The following LRRTM4 variants were observed in gnomAD, a reference collection of about 807,000 sequenced individuals.
LRRTM4 encodes leucine rich repeat transmembrane neuronal 4, also known as leucine-rich repeat transmembrane neuronal protein 4.
Under a neutral mutation model 47.6 loss-of-function variants are expected in LRRTM4, and 25 were observed. That is an observed-to-expected ratio of 0.53 (90% CI 0.38 to 0.73). LRRTM4 has a LOEUF of 0.73. Ranked by LOEUF, LRRTM4 falls within the 30% of genes least tolerant of loss-of-function variation. LRRTM4 has a pLI of 0.00. For missense variants in LRRTM4, 638 were observed against 713.4 expected (o/e 0.89, Z 1.20); for synonymous variants, 311 against 269.5 (o/e 1.15, Z -1.51).
At position 77,518,485 on chromosome 2, in the gene LRRTM4, G is replaced by A; in HGVS notation, c.1384C>T (p.Leu462Phe). The stretch of plus-strand genomic sequence containing the variant: ...GCCTTTTTCCGCCGCCTCTTCATAA[G>A]AGAGTGTTGCTGGAGTTGTTTCATG... ...ASMKQLQQHS[L>F]MKRRRKKARE... The change falls in exon 3 of 4, where the codon CTT becomes TTT. Residue 462 changes from leucine (L) to phenylalanine (F), a missense_variant. Leu to Phe is a conservative substitution (Grantham distance 22). Transcript: ENST00000409884. 6 of 1,613,438 alleles carry A rather than the reference G, an allele frequency of 3.7e-6. No individual in the cohort carries two copies. Among genetic ancestry groups the A allele is most frequent in the Non-Finnish European group, 5.1e-6 (6 of 1,179,630 alleles).
At chr2:76,976,348 T>C (rs995910283) in intron 3 of LRRTM4, among the ~76,000 whole-genome samples, 3 of 151,748 alleles carry the variant, frequency 2.0e-5, no homozygotes, top group Admixed American at 1.3e-4. Context: ...CAAAACATAT[T>C]GGGCTTTGAA....
intron 3 of LRRTM4, among the ~76,000 whole-genome samples, chr2:76,802,985 T>C (rs773703432): frequency 6.6e-6 from 1 of 152,122 alleles, no homozygotes; most frequent in Non-Finnish European, 1.5e-5. Flanking sequence ...TAGGACCTGA[T>C]ACTATAAAAC....
intron 3 of LRRTM4, among the ~76,000 whole-genome samples, chr2:76,878,646 A>T (rs953836901): frequency 6.6e-6 from 1 of 152,084 alleles, no homozygotes; most frequent in African/African-American, 2.4e-5. Context: ...AGGCATGTGG[A>T]TCACCTGAGG....
chr2:76,821,919 C>G (rs537141366), intron 3 of LRRTM4, among the ~76,000 whole-genome samples: 5 of 151,644 alleles, frequency 3.3e-5, no homozygotes, highest in African/African-American at 1.2e-4. Flanking sequence ...CATATAGTAC[C>G]TGACGTATGT....
intron 3 of LRRTM4, among the ~76,000 whole-genome samples, chr2:76,995,603 C>T (rs1443907927): frequency 6.6e-6 from 1 of 151,950 alleles, no homozygotes; most frequent in Non-Finnish European, 1.5e-5. Flanking sequence ...GAAACACCCA[C>T]AAAAGTAGAT....
At chr2:76,973,985 C>A (rs1676309864) in intron 3 of LRRTM4, among the ~76,000 whole-genome samples, 1 of 151,342 alleles carries the variant, frequency 6.6e-6, no homozygotes. Context: ...CAAGATGGAG[C>A]CTAATGTACT....
chr2:77,227,412 A>G (rs142560612), intron 3 of LRRTM4, among the ~76,000 whole-genome samples: 149 of 152,232 alleles, frequency 9.8e-4, no homozygotes, highest in African/African-American at 3.5e-3. Context: ...AATGACTCTA[A>G]GAGGCTGAAG....
chr2:77,443,892 A>T (rs1451438883), intron 3 of LRRTM4, among the ~76,000 whole-genome samples: 1 of 152,042 alleles, frequency 6.6e-6, no homozygotes, highest in Non-Finnish European at 1.5e-5. Context: ...TAAGACTCTG[A>T]CTCAGGTTGA....
intron 3 of LRRTM4, among the ~76,000 whole-genome samples, chr2:77,253,414 A>G (rs1675676543): frequency 6.6e-6 from 1 of 152,140 alleles, no homozygotes; most frequent in African/African-American, 2.4e-5. Context: ...GCTTCAACCT[A>G]GCACGAATGA....
intron 3 of LRRTM4, among the ~76,000 whole-genome samples, chr2:77,000,988 A>AT (rs1331928498): frequency 1.3e-5 from 2 of 152,130 alleles, no homozygotes; most frequent in Non-Finnish European, 2.9e-5. Flanking sequence ...GATTTGAGAC[A>AT]TTTAAACACC....
intron 3 of LRRTM4, among the ~76,000 whole-genome samples, chr2:77,131,583 G>A (rs924849081): frequency 2.0e-5 from 3 of 152,248 alleles, no homozygotes; most frequent in South Asian, 4.1e-4. Context: ...TATTGCATAG[G>A]AAGGTGGGAA....
chr2:77,066,986 C>T (rs1399929389), intron 3 of LRRTM4, among the ~76,000 whole-genome samples: 6 of 152,180 alleles, frequency 3.9e-5, no homozygotes, highest in African/African-American at 1.2e-4. Context: ...AAGTGCCAAA[C>T]TCCAAATTTA....
intron 3 of LRRTM4, among the ~76,000 whole-genome samples, chr2:77,218,844 G>A (rs952845688): frequency 1.3e-5 from 2 of 152,124 alleles, no homozygotes; most frequent in Non-Finnish European, 2.9e-5. Flanking sequence ...GACCCAGACT[G>A]AGCATTGTTG....
chr2:77,131,424 G>C (rs1004108422), intron 3 of LRRTM4, among the ~76,000 whole-genome samples: 1 of 152,108 alleles, frequency 6.6e-6, no homozygotes, highest in Admixed American at 6.5e-5. Flanking sequence ...ATAATCTGTT[G>C]TGTTAAATTC....
chr2:77,372,244 T>C (rs986073890), intron 3 of LRRTM4, among the ~76,000 whole-genome samples: 4 of 151,778 alleles, frequency 2.6e-5, no homozygotes, highest in African/African-American at 9.7e-5. Context: ...GGCATTTTGT[T>C]ATATAAACAT....
intron 3 of LRRTM4, among the ~76,000 whole-genome samples, chr2:77,389,101 A>G (rs1673402870): frequency 6.6e-6 from 1 of 152,230 alleles, no homozygotes; most frequent in African/African-American, 2.4e-5. Context: ...AAATCATGTT[A>G]TTAAGCATTA....
At chr2:77,322,874 T>C (rs1002562904) in intron 3 of LRRTM4, among the ~76,000 whole-genome samples, 1 of 151,304 alleles carries the variant, frequency 6.6e-6, no homozygotes, top group African/African-American at 2.4e-5. Flanking sequence ...GCTTATTGTA[T>C]GTAACCAGTT....
intron 3 of LRRTM4, among the ~76,000 whole-genome samples, chr2:77,027,181 A>C (rs1287372175): frequency 6.6e-6 from 1 of 152,150 alleles, no homozygotes; most frequent in Non-Finnish European, 1.5e-5. Context: ...CTTTTCTGAT[A>C]CAATGTTAGA....
intron 3 of LRRTM4, among the ~76,000 whole-genome samples, chr2:77,375,342 AC>A (rs72426289): frequency 0.031 from 4,772 of 151,834 alleles, 196 homozygotes; most frequent in African/African-American, 0.093. Context: ...GGACATATGC[AC>A]CATACCCGTG....
Sources: gnomAD v4.1 joint callset for allele counts (sites outside exome capture counted in the v4.1 genomes callset) on GRCh38, gnomAD v4.1.1 for gene constraint, MANE v1.5 for transcripts, NCBI Gene and HGNC (gene_info 2026-07-23, HGNC 2026-07-21) for gene names.